SLC38A7: variants seen among roughly 807,000 people sequenced by gnomAD.
The protein encoded by SLC38A7 is sodium-coupled neutral amino acid transporter 7.
A neutral mutation model predicts 50.1 loss-of-function variants in SLC38A7; 29 were observed. That is an observed-to-expected ratio of 0.58 (90% CI 0.43 to 0.79). The LOEUF is 0.79. Ranked by LOEUF, SLC38A7 falls within the 30% of genes least tolerant of loss-of-function variation. The probability of loss-of-function intolerance (pLI) is 0.00; values close to 1 mark genes in which losing one functional copy is unlikely to be tolerated. For missense variants in SLC38A7, 483 were observed against 610.6 expected, an observed-to-expected ratio of 0.79 and a Z score of 2.20; for synonymous variants, 244 against 245.9, an observed-to-expected ratio of 0.99 and a Z score of 0.07.
chr16:58,675,640 C>A (rs1390092031), intron 8 of SLC38A7, among the ~76,000 whole-genome samples: 1 of 152,222 alleles, frequency 6.6e-6, no homozygotes, highest in Admixed American at 6.5e-5. Flanking sequence ...GTCTCTCCAA[C>A]AAGAATGTCA....
intron 3 of SLC38A7, 157 bp downstream of exon 3, chr16:58,679,700 G>A: frequency 2.1e-6 from 2 of 973,488 alleles, no homozygotes; most frequent in Non-Finnish European, 3.0e-6. Context: ...TGGGTCACAG[G>A]AAAGAATACT....
Position 58,671,036 on chromosome 16 carries a change from G to T in SLC38A7, c.1231+9C>A, listed in dbSNP as rs775946635. On this transcript the variant is annotated intron_variant, in intron 10 of 11. Coordinates refer to ENST00000219320, the MANE Select transcript of SLC38A7 (RefSeq NM_018231.3). ...TGGGGCTGTGAGATGGGGCGCCAGG[G>T]GTCCGCACCTGGGAAGACGAAGATG... 5.1e-6 allele frequency: 8 copies of T among 1,578,502 alleles called. No individual in the cohort carries two copies. Among genetic ancestry groups the T allele is most frequent in the Non-Finnish European group, 6.9e-6 (8 of 1,163,216 alleles).
chr16:58,684,699 C>T lies in SLC38A7; in HGVS notation c.-340+18G>A, dbSNP rs1239174291. 1 of 152,340 alleles carries T rather than the reference C, an allele frequency of 6.6e-6. No individual in the cohort carries two copies. The highest frequency in any genetic ancestry group is 1.5e-5 in the Non-Finnish European group (1 of 68,128). The allele number at this position is 152,340 out of a possible 1,614,324, so 9.4% of individuals were successfully genotyped here. On this transcript the variant is annotated intron_variant, in intron 1 of 11. Transcript: ENST00000219320. ...ATCTAACACTTCCACCCTCCAGAGC[C>T]TGTCTCCGGCCACCTACCTTGGGGG...
At position 58,667,274 on chromosome 16, in the gene SLC38A7, G is replaced by T; in HGVS notation, c.*111C>A. On this transcript the variant is annotated 3_prime_UTR_variant, in exon 12 of 12. Coordinates refer to ENST00000219320, the MANE Select transcript of SLC38A7 (RefSeq NM_018231.3). ...CCCAGTCCCTGGAAGAGGATGTCCG[G>T]ATGTCATCCCACCAGTTGGAATGAT... 8.7e-7 allele frequency: 1 copy of T among 1,150,076 alleles called. No homozygotes were observed. The highest frequency in any genetic ancestry group is 1.3e-6 in the Non-Finnish European group (1 of 779,724). The allele number at this position is 1,150,076 out of a possible 1,614,324, so 71.2% of individuals were successfully genotyped here. A position where few individuals can be genotyped will look rare whatever the true frequency, so the allele number is the denominator to read the frequency against.
Position 58,676,213 on chromosome 16 carries a change from C to T in SLC38A7, c.768+76G>A, listed in dbSNP as rs905856011. ...GATTTCCTCCATTCTGCCTGGGTTC[C>T]TCCTCCTTGCTGGGTTCCATCCCAG... is the stretch of plus-strand genomic sequence containing the variant. On this transcript the variant is annotated intron_variant, in intron 7 of 11. Transcript: ENST00000219320. 3.7e-6 allele frequency: 6 copies of T among 1,602,768 alleles called. No individual in the cohort carries two copies. The African/African-American group carries it at 4.0e-5, about 11-fold the overall frequency.
In SLC38A7 at chr16:58,667,316, C is replaced by A. The variant is rs779432472; in HGVS notation, c.*69G>T. ...TGGAATGATCGTGGACTAAGAATGG[C>A]CCCATAGCTCTAAGAGATGGGTTCC... On this transcript the variant is annotated 3_prime_UTR_variant, in exon 12 of 12. Transcript: ENST00000219320. The A allele has an allele frequency of 1.4e-6, 2 of 1,460,550 alleles. No individual in the cohort carries two copies. Among genetic ancestry groups the A allele is most frequent in the Non-Finnish European group, 1.9e-6 (2 of 1,042,354 alleles). 90.5% of individuals were successfully genotyped at this position (1,460,550 alleles called of 1,614,324 possible).
In SLC38A7 at chr16:58,667,384, G is replaced by A; in HGVS notation, c.*1C>T. The A allele has an allele frequency of 6.2e-7, 1 of 1,614,052 alleles. No individual in the cohort carries two copies. Among genetic ancestry groups the A allele is most frequent in the Non-Finnish European group, 8.5e-7 (1 of 1,179,994 alleles). ...GCCTTGTGTTCCCTGGGAGGCAGTG[G>A]TTATGCCAAGAGATCCACAAAGATG... On this transcript the variant is annotated 3_prime_UTR_variant, in exon 12 of 12. Transcript: ENST00000219320.
chr16:58,674,387 C>T (rs938260059), intron 8 of SLC38A7, among the ~76,000 whole-genome samples: 1 of 151,968 alleles, frequency 6.6e-6, no homozygotes, highest in Non-Finnish European at 1.5e-5. Flanking sequence ...AGCGATCCTC[C>T]CACCTCAGCC....
intron 8 of SLC38A7, among the ~76,000 whole-genome samples, chr16:58,672,507 C>G (rs1384049396): frequency 6.6e-6 from 1 of 152,204 alleles, no homozygotes. Flanking sequence ...TTGGCACTGA[C>G]TGTTCTGTCT....
chr16:58,678,782 C>A lies in SLC38A7; in HGVS notation c.383G>T (p.Gly128Val), dbSNP rs1475924193. 3 of 1,614,058 alleles carry A rather than the reference C, an allele frequency of 1.9e-6. No individual in the cohort carries two copies. Among genetic ancestry groups the A allele is most frequent in the Non-Finnish European group, 2.5e-6 (3 of 1,180,030 alleles). ...VVWAVCGKLTGVLCEVAIAVY... is the reference protein window; with the variant it reads ...VVWAVCGKLTVVLCEVAIAVY... ...AGCGATGGCCACCTCACATAGCACA[C>A]CTGTCAGCTTGCCACACACAGCCCA... Residue 128 changes from glycine (G) to valine (V), a missense_variant, in exon 4 of 12, where the codon GGT (glycine) becomes GTT (valine). Coordinates refer to ENST00000219320, the MANE Select transcript of SLC38A7 (RefSeq NM_018231.3). The surrounding 1 kb of genome is among the most constrained non-coding windows in gnomAD (Gnocchi z 4.0).
chr16:58,674,886 C>T (rs1317262780), intron 8 of SLC38A7, among the ~76,000 whole-genome samples: 5 of 152,194 alleles, frequency 3.3e-5, no homozygotes, highest in Middle Eastern at 3.4e-3. Context: ...ACTCTCCACA[C>T]GGCAGCCAGA....
In SLC38A7 at chr16:58,672,214, C is replaced by T. The variant is rs1220906076; in HGVS notation, c.913G>A (p.Ala305Thr). ...GACAGGAGCACGTCAGGATCCACAG[C>T]AGCTCCAAAGGTCAGGAAGCCACAG... ...GICGFLTFGA[A>T]VDPDVLLSYP... Residue 305 changes from alanine to threonine, a missense_variant, in exon 9 of 12, where the codon GCT becomes ACT. Ala to Thr is a moderately conservative substitution (Grantham distance 58). Coordinates refer to ENST00000219320, the MANE Select transcript of SLC38A7 (RefSeq NM_018231.3). 1 of 1,582,870 alleles carries T rather than the reference C, an allele frequency of 6.3e-7. No homozygotes were observed. The highest frequency in any genetic ancestry group is 8.6e-7 in the Non-Finnish European group (1 of 1,164,438).
At chr16:58,670,003 T>C (rs2044129112) in intron 11 of SLC38A7, 110 bp downstream of exon 11, 2 of 908,880 alleles carry the variant, frequency 2.2e-6, no homozygotes, top group Non-Finnish European at 3.3e-6. Context: ...CAAAAACCCA[T>C]GATTTCTAAG....
rs2044393962 is a variant in SLC38A7, at chr16:58,681,825, T to G, written c.-115-1584A>C. Reference sequence around the variant, plus strand: ...CCCACCACCACCATGCCTGAGACTCTCCAGCCCTAAGCAAGCAGGGAGCAG... The same window carrying G: ...CCCACCACCACCATGCCTGAGACTCGCCAGCCCTAAGCAAGCAGGGAGCAG... On this transcript the variant is annotated intron_variant, in intron 2 of 11. Transcript: ENST00000219320. The G allele has an allele frequency of 2.0e-5, 3 of 152,206 alleles. No homozygotes were observed. The South Asian group carries it at 6.2e-4, about 32-fold the overall frequency. 9.4% of individuals were successfully genotyped at this position (152,206 alleles called of 1,614,324 possible).
Position 58,667,348 on chromosome 16 carries a change from C to G in SLC38A7, c.*37G>C. ...GCTCTAAGAGATGGGTTCCTGCGACCAATGGCAAAGGCCTTGTGTTCCCTG... is the reference window on the plus strand; with the variant it reads ...GCTCTAAGAGATGGGTTCCTGCGACGAATGGCAAAGGCCTTGTGTTCCCTG... On this transcript the variant is annotated 3_prime_UTR_variant, in exon 12 of 12. Transcript: ENST00000219320. 1 of 1,602,566 alleles carries G rather than the reference C, an allele frequency of 6.2e-7. No individual in the cohort carries two copies. The highest frequency in any genetic ancestry group is 8.5e-7 in the Non-Finnish European group (1 of 1,169,842).
intron 8 of SLC38A7, among the ~76,000 whole-genome samples, chr16:58,673,245 T>C (rs1374253438): frequency 6.6e-6 from 1 of 150,932 alleles, no homozygotes; most frequent in African/African-American, 2.4e-5. Flanking sequence ...CTAATTTTTT[T>C]TTTTTTTTGA....
In SLC38A7 at chr16:58,678,416, G is replaced by A; in HGVS notation, c.528C>T (p.Arg176=). The change falls in exon 5 of 12, where the codon CGC becomes CGT. Residue 176 remains arginine (R), a synonymous_variant. Transcript: ENST00000219320. This position sits in a 1 kb window ranked among gnomAD's most constrained non-coding sequence, Gnocchi z 4.0. ...AGGCAGTGAGGCTGATGGTGAACTT[G>A]CGGTCTGTGTACCAAGGGCCGCTGG... is the stretch of plus-strand genomic sequence containing the variant. ...EGASGPWYTD[R]KFTISLTAFL... The A allele has an allele frequency of 1.2e-6, 2 of 1,600,572 alleles. No individual in the cohort carries two copies. Among genetic ancestry groups the A allele is most frequent in the Non-Finnish European group, 1.7e-6 (2 of 1,172,734 alleles).
intron 8 of SLC38A7, among the ~76,000 whole-genome samples, chr16:58,672,648 TTTTTC>T (rs2152076382): frequency 6.6e-6 from 1 of 152,238 alleles, no homozygotes; most frequent in East Asian, 1.9e-4. Flanking sequence ...CGCTGTCTTA[TTTTTC>T]TTTTCTTTTT....
At chr16:58,674,940 G>T (rs76230205) in intron 8 of SLC38A7, among the ~76,000 whole-genome samples, 19,206 of 151,896 alleles carry the variant, frequency 0.13, 4,107 homozygotes, top group African/African-American at 0.44. Context: ...ACACTTCCTC[G>T]ATGACTCCCA....
Sources: gnomAD v4.1 joint callset for allele counts (sites outside exome capture counted in the v4.1 genomes callset) on GRCh38, gnomAD v4.1.1 for gene constraint, Gnocchi (gnomAD v3.1) non-coding constraint, MANE v1.5 for transcripts, NCBI Gene and HGNC (gene_info 2026-07-23, HGNC 2026-07-21) for gene names.